Variants in CNST observed in about 807,000 individuals in gnomAD.
The protein encoded by CNST is consortin.
A neutral mutation model predicts 72.4 loss-of-function variants in CNST; 39 were observed. The ratio of observed to expected loss-of-function variants is 0.54; its 90% confidence interval spans 0.42 to 0.70. The LOEUF (loss-of-function observed/expected upper bound fraction) is 0.70. Among genes scored for constraint, CNST ranks in the 30% least tolerant of loss-of-function variants. CNST has a pLI of 0.00. For missense variants in CNST, 871 were observed against 868.5 expected (o/e 1.00, Z -0.04); for synonymous variants, 332 against 320.1 (o/e 1.04, Z -0.40).
intron 1 of CNST, among the ~76,000 whole-genome samples, chr1:246,578,681 A>T (rs1024812709): frequency 6.6e-6 from 1 of 151,986 alleles, no homozygotes; most frequent in Non-Finnish European, 1.5e-5. Flanking sequence ...AAAAAAAAAA[A>T]CTATTGCCTC....
At chr1:246,611,859 A>G (rs921259782) in intron 2 of CNST, among the ~76,000 whole-genome samples, 1 of 152,268 alleles carries the variant, frequency 6.6e-6, no homozygotes, top group African/African-American at 2.4e-5. Context: ...ATGGATAAAC[A>G]AGATGTAGTA....
intron 3 of CNST, among the ~76,000 whole-genome samples, chr1:246,628,644 C>A (rs917924359): frequency 2.0e-5 from 3 of 152,096 alleles, no homozygotes; most frequent in Non-Finnish European, 4.4e-5. Flanking sequence ...GAAAATCGGG[C>A]CCTCCCTTGG....
intron 9 of CNST, among the ~76,000 whole-genome samples, chr1:246,658,153 T>C (rs1163991349): frequency 6.6e-6 from 1 of 152,238 alleles, no homozygotes; most frequent in Non-Finnish European, 1.5e-5. Flanking sequence ...CCTCTCCTTT[T>C]TTTTACATGT....
In CNST at chr1:246,608,285, T is replaced by C. The variant is rs146522049; in HGVS notation, c.380-13144T>C. On this transcript the variant is annotated intron_variant, in intron 2 of 10. Coordinates refer to ENST00000366513, the MANE Select transcript of CNST (RefSeq NM_152609.3). ...ATCACTAGACCCCATGAGTTCGAGT[T>C]TGTATGATCCTGCCACTGTACTGTA... is the stretch of plus-strand genomic sequence containing the variant. 1.1e-4 allele frequency among the ~76,000 whole-genome samples: 17 copies of C among 152,286 alleles called. No individual in the cohort carries two copies. In the East Asian group the frequency reaches 3.3e-3, roughly 29 times the overall value.
intron 2 of CNST, chr1:246,607,482 C>CA (rs1275718117): frequency 6.6e-6 from 1 of 152,372 alleles, no homozygotes; most frequent in Non-Finnish European, 1.5e-5. Context: ...AGCGCGCCAA[C>CA]AGACAGCACA....
chr1:246,600,581 G>GA (rs560777126), intron 2 of CNST, among the ~76,000 whole-genome samples: 3 of 152,026 alleles, frequency 2.0e-5, no homozygotes, highest in African/African-American at 4.8e-5. Context: ...AATTAGATAT[G>GA]AAAAAAAGAG....
chr1:246,619,375 A>G (rs1663903918), intron 2 of CNST, among the ~76,000 whole-genome samples: 1 of 152,236 alleles, frequency 6.6e-6, no homozygotes, highest in South Asian at 2.1e-4. Context: ...AGTGTCTAGA[A>G]GAGAATTCTC....
intron 9 of CNST, among the ~76,000 whole-genome samples, chr1:246,648,463 T>C (rs548752626): frequency 3.0e-4 from 46 of 152,268 alleles, no homozygotes; most frequent in African/African-American, 8.9e-4. Context: ...TTTAAGTCTT[T>C]TAAAATAGTC....
At chr1:246,594,208 T>G (rs2103029330) in intron 2 of CNST, among the ~76,000 whole-genome samples, 1 of 152,238 alleles carries the variant, frequency 6.6e-6, no homozygotes, top group Admixed American at 6.5e-5. Flanking sequence ...AGAGACAGGA[T>G]CATGCTACCT....
At chr1:246,572,024 CTG>C (rs1051517225) in intron 1 of CNST, among the ~76,000 whole-genome samples, 1 of 151,950 alleles carries the variant, frequency 6.6e-6, no homozygotes, top group Non-Finnish European at 1.5e-5. Context: ...AATTAGGTGA[CTG>C]TGGTTTTCTA....
At chr1:246,605,562 T>C (rs1331786330) in intron 2 of CNST, among the ~76,000 whole-genome samples, 1 of 152,120 alleles carries the variant, frequency 6.6e-6, no homozygotes, top group Non-Finnish European at 1.5e-5. Flanking sequence ...GCAGGGGTTT[T>C]ACAGTCTCCT....
chr1:246,630,341 A>G (rs890479141), intron 3 of CNST, among the ~76,000 whole-genome samples: 1 of 152,252 alleles, frequency 6.6e-6, no homozygotes, highest in South Asian at 2.1e-4. Context: ...ACTACTTTTA[A>G]AACATATTAT....
intron 8 of CNST, among the ~76,000 whole-genome samples, chr1:246,646,173 G>A (rs956620130): frequency 1.3e-5 from 2 of 151,262 alleles, no homozygotes; most frequent in South Asian, 2.1e-4. Flanking sequence ...CCAGCTACTC[G>A]GGAGGCTGAG....
chr1:246,594,856 C>G (rs1661773244), intron 2 of CNST, among the ~76,000 whole-genome samples: 1 of 152,158 alleles, frequency 6.6e-6, no homozygotes, highest in Admixed American at 6.5e-5. Flanking sequence ...GAAGCAGTCT[C>G]TACCTTGTTG....
chr1:246,656,424 T>A lies in CNST; in HGVS notation c.1837-3775T>A, dbSNP rs536014976. Among the ~76,000 whole-genome samples, 31 of 152,332 alleles carry A rather than the reference T, an allele frequency of 2.0e-4. No homozygotes were observed. In the South Asian group the frequency reaches 5.0e-3, roughly 24 times the overall value. On this transcript the variant is annotated intron_variant, in intron 9 of 10. Transcript: ENST00000366513. The stretch of plus-strand genomic sequence containing the variant: ...AGACTGGGCCAGATGGAATTTTTTT[T>A]AATTCTGCATTTATTCATAGAGCAC...
chr1:246,661,711 C>T (rs184680040), intron 10 of CNST, among the ~76,000 whole-genome samples: 67 of 152,298 alleles, frequency 4.4e-4, no homozygotes, highest in African/African-American at 1.4e-3. Context: ...AACCCAGAAC[C>T]TGTCAGTGGG....
At chr1:246,567,527 TGA>T (rs1659792280) in intron 1 of CNST, among the ~76,000 whole-genome samples, 2 of 152,296 alleles carry the variant, frequency 1.3e-5, no homozygotes, top group South Asian at 4.2e-4. Flanking sequence ...CTTACTCTAC[TGA>T]GAGTGTAATT....
At chr1:246,604,457 C>G (rs1274793317) in intron 2 of CNST, among the ~76,000 whole-genome samples, 1 of 152,080 alleles carries the variant, frequency 6.6e-6, no homozygotes, top group Non-Finnish European at 1.5e-5. Context: ...GGGTTAACCC[C>G]TGGGCTTCTA....
chr1:246,585,700 C>CACAA (rs1661121526), intron 1 of CNST, among the ~76,000 whole-genome samples: 1 of 139,112 alleles, frequency 7.2e-6, no homozygotes, highest in African/African-American at 3.0e-5. Flanking sequence ...CACACACACA[C>CACAA]ACACACACAC....
Sources: gnomAD v4.1 joint callset for allele counts (sites outside exome capture counted in the v4.1 genomes callset) on GRCh38, gnomAD v4.1.1 for gene constraint, MANE v1.5 for transcripts, NCBI Gene and HGNC (gene_info 2026-07-23, HGNC 2026-07-21) for gene names.